The following TULP4 variants were observed in gnomAD, a reference collection of about 807,000 sequenced individuals.
The protein encoded by TULP4 is TUB like protein 4.
In TULP4, 16 loss-of-function variants were observed where a neutral mutation model predicts 129.0. That is an observed-to-expected ratio of 0.12 (90% confidence interval 0.08 to 0.19). TULP4 has a LOEUF of 0.19. Among genes scored for constraint, TULP4 ranks in the 10% least tolerant of loss-of-function variants. TULP4 has a pLI of 1.00. For synonymous variants in TULP4, 998 were observed against 854.0 expected, an observed-to-expected ratio of 1.17 and a Z score of -2.94; for missense variants, 1,842 against 2,059.1, an observed-to-expected ratio of 0.89 and a Z score of 2.04.
At chr6:158,245,943 G>A (rs920393119) in intron 1 of TULP4, among the ~76,000 whole-genome samples, 1 of 151,746 alleles carries the variant, frequency 6.6e-6, no homozygotes, top group African/African-American at 2.4e-5. Flanking sequence ...GCACCAACTG[G>A]TTTAATTCTC....
intron 13 of TULP4, among the ~76,000 whole-genome samples, chr6:158,506,017 A>G (rs1473408287): frequency 6.6e-6 from 1 of 151,838 alleles, no homozygotes; most frequent in Non-Finnish European, 1.5e-5. Flanking sequence ...GCTGGAGGCC[A>G]TTGTCCCCAC....
intron 1 of TULP4, chr6:158,238,391 T>C: frequency 1.6e-6 from 1 of 609,102 alleles, no homozygotes; most frequent in Non-Finnish European, 3.0e-6. Context: ...TTTGTGTACA[T>C]AGCAAGTAAT....
At chr6:158,347,922 T>C (rs1395177773) in intron 1 of TULP4, among the ~76,000 whole-genome samples, 1 of 152,144 alleles carries the variant, frequency 6.6e-6, no homozygotes, top group African/African-American at 2.4e-5. Context: ...AAAAAAAGAA[T>C]CTGTAAGTGT....
intron 8 of TULP4, 39 bp downstream of exon 8, chr6:158,481,328 T>C (rs1376473813): frequency 1.3e-6 from 2 of 1,575,218 alleles, no homozygotes; most frequent in Admixed American, 3.6e-5. Flanking sequence ...CTTGTTCTCC[T>C]GTGGTCATGG....
At chr6:158,431,499 T>C (rs1373012164) in intron 3 of TULP4, among the ~76,000 whole-genome samples, 1 of 152,122 alleles carries the variant, frequency 6.6e-6, no homozygotes, top group African/African-American at 2.4e-5. Flanking sequence ...GGGGACCCAC[T>C]GGGGATACAG....
At chr6:158,466,487 A>G (rs182097225) in intron 6 of TULP4, among the ~76,000 whole-genome samples, 1 of 152,210 alleles carries the variant, frequency 6.6e-6, no homozygotes, top group East Asian at 1.9e-4. Context: ...GTTGTCGTGT[A>G]TCTTCTTTTG....
chr6:158,458,577 A>G (rs925192856), intron 5 of TULP4, among the ~76,000 whole-genome samples: 6 of 152,186 alleles, frequency 3.9e-5, no homozygotes, highest in African/African-American at 1.4e-4. Context: ...TAGGAGATTC[A>G]AACAAAATTA....
Position 158,273,476 on chromosome 6 carries a change from C to T in TULP4, n.69-38575C>T, listed in dbSNP as rs1327505971. 2.6e-5 allele frequency among the ~76,000 whole-genome samples: 4 copies of T among 152,200 alleles called. No homozygotes were observed. The East Asian group carries it at 7.7e-4, about 29-fold the overall frequency. On this transcript the variant is annotated intron_variant and non_coding_transcript_variant, in intron 1 of 1. Transcript: ENST00000620026. ...CTTTATGTCGATGACACTGACTTAT[C>T]TCCAGTCTATACTTTGACTCCGAGG...
At chr6:158,332,169 CAAAAAAAAAAAAA>C (rs1169601263) in intron 1 of TULP4, among the ~76,000 whole-genome samples, 8 of 65,298 alleles carry the variant, frequency 1.2e-4, no homozygotes, top group South Asian at 5.5e-4. Context: ...AAGACTCTGT[CAAAAAAAAAAAAA>C]AAAAAAAAAA....
chr6:158,437,599 G>T (rs1208772359), intron 3 of TULP4, among the ~76,000 whole-genome samples: 1 of 152,126 alleles, frequency 6.6e-6, no homozygotes, highest in Non-Finnish European at 1.5e-5. Flanking sequence ...TAATTAGTAT[G>T]CAGATGTCTT....
intron 6 of TULP4, among the ~76,000 whole-genome samples, chr6:158,469,886 G>C (rs1489907689): frequency 6.6e-6 from 1 of 151,950 alleles, no homozygotes; most frequent in Non-Finnish European, 1.5e-5. Context: ...CTTGCTCCCA[G>C]AGCTCCCAAG....
At chr6:158,299,199 A>T (rs529685774) in intron 1 of TULP4, among the ~76,000 whole-genome samples, 78 of 152,158 alleles carry the variant, frequency 5.1e-4, no homozygotes, top group Non-Finnish European at 1.0e-3. Context: ...TGAACCTCCT[A>T]TGCCAAGTAG....
chr6:158,409,894 C>T (rs1472868147), intron 1 of TULP4, among the ~76,000 whole-genome samples: 3 of 151,768 alleles, frequency 2.0e-5, no homozygotes, highest in Non-Finnish European at 2.9e-5. Context: ...CTTGCTCTGT[C>T]GCCCAGGCTG....
At chr6:158,299,815 G>A (rs949923048) in intron 1 of TULP4, among the ~76,000 whole-genome samples, 3 of 152,112 alleles carry the variant, frequency 2.0e-5, no homozygotes, top group Admixed American at 1.3e-4. Flanking sequence ...TTGTGTAGCA[G>A]GTAAATCAGT....
At chr6:158,400,792 G>A (rs1320020663) in intron 1 of TULP4, among the ~76,000 whole-genome samples, 1 of 152,150 alleles carries the variant, frequency 6.6e-6, no homozygotes. Flanking sequence ...ACAGAGCTCA[G>A]TAAGCTAGCC....
intron 1 of TULP4, among the ~76,000 whole-genome samples, chr6:158,343,750 GA>G (rs1406732838): frequency 7.9e-5 from 12 of 152,282 alleles, no homozygotes; most frequent in African/African-American, 2.9e-4. Context: ...AGACAGGCAG[GA>G]AAAGACTAAT....
chr6:158,500,152 G>C (rs1247281144), intron 12 of TULP4, among the ~76,000 whole-genome samples: 1 of 152,192 alleles, frequency 6.6e-6, no homozygotes, highest in African/African-American at 2.4e-5. Flanking sequence ...TGCTGCAGTT[G>C]TCGTTATTGT....
intron 10 of TULP4, among the ~76,000 whole-genome samples, 188 bp from the exon 11 acceptor site, chr6:158,494,565 C>T (rs978474722): frequency 3.3e-5 from 5 of 152,192 alleles, no homozygotes; most frequent in African/African-American, 1.2e-4. Flanking sequence ...CGCCCCCACT[C>T]ACTGCTGCGT....
chr6:158,242,582 GGA>G, intron 1 of TULP4: 1 of 725,714 alleles, frequency 1.4e-6, no homozygotes, highest in Non-Finnish European at 2.6e-6. Flanking sequence ...CCTTTTCAAA[GGA>G]GAGAGAGTTA....
Sources: allele counts gnomAD v4.1 joint callset (sites outside exome capture counted in the v4.1 genomes callset), GRCh38; gene constraint gnomAD v4.1.1; transcripts MANE v1.5; gene names NCBI Gene and HGNC (gene_info 2026-07-23, HGNC 2026-07-21).